COLGALT1: variants seen among roughly 807,000 people sequenced by gnomAD.
The protein encoded by COLGALT1 is collagen beta(1-O)galactosyltransferase 1.
In COLGALT1, 43 loss-of-function variants were observed where a neutral mutation model predicts 60.8. The ratio of observed to expected loss-of-function variants is 0.71; its 90% confidence interval spans 0.55 to 0.91. COLGALT1 has a LOEUF of 0.91. Among genes scored for constraint, COLGALT1 ranks in the 40% least tolerant of loss-of-function variants. COLGALT1 has a pLI of 0.00. For missense variants in COLGALT1, 845 were observed against 880.0 expected (o/e 0.96, Z 0.50); for synonymous variants, 369 against 374.2 (o/e 0.99, Z 0.16).
At chr19:17,576,713 G>T (rs1185464749) in intron 6 of COLGALT1, among the ~76,000 whole-genome samples, 1 of 148,696 alleles carries the variant, frequency 6.7e-6, no homozygotes, top group African/African-American at 2.5e-5. Context: ...GGAGCCTGGG[G>T]CATGGCCAGG....
chr19:17,558,542 G>A (rs1015835782), intron 1 of COLGALT1, among the ~76,000 whole-genome samples: 2 of 151,312 alleles, frequency 1.3e-5, no homozygotes, highest in African/African-American at 4.9e-5. Flanking sequence ...GCTGGGCATG[G>A]TGGTGGGCAC....
At chr19:17,568,737 T>C in intron 5 of COLGALT1, 24 bp downstream of exon 5, 1 of 1,611,606 alleles carries the variant, frequency 6.2e-7, no homozygotes, top group Non-Finnish European at 8.5e-7. Flanking sequence ...GGGTCTGCCA[T>C]CGCAGGGGCA....
At chr19:17,569,152 C>T (rs1159866310) in intron 5 of COLGALT1, among the ~76,000 whole-genome samples, 1 of 151,948 alleles carries the variant, frequency 6.6e-6, no homozygotes, top group Non-Finnish European at 1.5e-5. Flanking sequence ...GCGGAAGTTG[C>T]AGTGAGCCGA....
rs1315994882 is a variant in COLGALT1 at position 17,559,377 on chromosome 19, G to A, written c.327G>A (p.Lys109=). The A allele has an allele frequency of 6.4e-7, 1 of 1,552,226 alleles. No homozygotes were observed. The highest frequency in any genetic ancestry group is 2.0e-5 in the Admixed American group (1 of 51,012). The change falls in exon 2 of 12, where the codon AAG becomes AAA. Residue 109 remains lysine (K), a synonymous_variant. Transcript: ENST00000252599. ...TGCGGGAGTGGCTGGTGGCCGTGAA[G>A]AGTTTGTACCATTCCGTGGAGTGGC... is the stretch of plus-strand genomic sequence containing the variant. ...TVLREWLVAV[K]SLYHSVEWRP... is the part of the protein sequence containing the mutation.
In COLGALT1 at chr19:17,567,849, T is replaced by C. The variant is rs145425405; in HGVS notation, c.624+309T>C. The stretch of plus-strand genomic sequence containing the variant: ...CTGTCCTCCCAGCTGCTCGGGAGGC[T>C]GAAGCATGAGAATCACTTGAACCCA... On this transcript the variant is annotated intron_variant, in intron 4 of 11. Transcript: ENST00000252599. 6.0e-3 allele frequency among the ~76,000 whole-genome samples: 910 copies of C among 151,932 alleles called. 10 individuals are homozygous for C. The highest frequency in any genetic ancestry group is 0.021 in the African/African-American group (866 of 41,454).
intron 3 of COLGALT1, among the ~76,000 whole-genome samples, chr19:17,564,413 C>CTTTT (rs71162155): frequency 1.9e-5 from 2 of 104,188 alleles, no homozygotes; most frequent in East Asian, 2.4e-4. Context: ...AAAACATCTA[C>CTTTT]TTTTTTTTTT....
At chr19:17,572,823 G>C (rs1157856836) in intron 6 of COLGALT1, among the ~76,000 whole-genome samples, 2 of 152,218 alleles carry the variant, frequency 1.3e-5, no homozygotes, top group Non-Finnish European at 2.9e-5. Flanking sequence ...GGGTTGTCGG[G>C]TGGGCTTCCT....
chr19:17,563,180 C>T (rs1447198794), intron 3 of COLGALT1, among the ~76,000 whole-genome samples: 3 of 145,984 alleles, frequency 2.1e-5, no homozygotes, highest in Non-Finnish European at 3.0e-5. Context: ...ATAATATTTT[C>T]GTGTTTCTTT....
In COLGALT1 at chr19:17,578,012, C is replaced by T. The variant is rs764247645; in HGVS notation, c.1189C>T (p.Arg397Trp). Residue 397 changes from arginine to tryptophan, a missense_variant, in exon 9 of 12, where the codon CGG becomes TGG. By Grantham distance (101) the Arg-to-Trp change is moderately radical. Coordinates refer to ENST00000252599, the MANE Select transcript of COLGALT1 (RefSeq NM_024656.4). ...GGGGATCCAGATGCTGCCTGGCTAC[C>T]GGGACCCCTACCACGGCCGGCCCCT... ...ALGIQMLPGY[R>W]DPYHGRPLTK... is the part of the protein sequence containing the mutation. The T allele has an allele frequency of 6.2e-6, 10 of 1,612,744 alleles. No individual in the cohort carries two copies. The highest frequency in any genetic ancestry group is 1.8e-4 in the Middle Eastern group (1 of 5,546).
intron 3 of COLGALT1, among the ~76,000 whole-genome samples, chr19:17,566,386 C>A (rs547122487): frequency 1.4e-4 from 21 of 152,002 alleles, no homozygotes; most frequent in African/African-American, 4.8e-4. Context: ...AAACAAAAAA[C>A]CTTCTGGTAG....
At chr19:17,572,298 T>C (rs2076317412) in intron 5 of COLGALT1, among the ~76,000 whole-genome samples, 185 bp from the exon 6 acceptor site, 1 of 136,666 alleles carries the variant, frequency 7.3e-6, no homozygotes, top group African/African-American at 2.5e-5. Flanking sequence ...AGTGAGACTC[T>C]GTCTTAAAAA....
rs780735696 is a variant in COLGALT1, at chr19:17,578,140, G to C, written c.1266+51G>C. 3.0e-5 allele frequency: 45 copies of C among 1,495,186 alleles called. No homozygotes were observed. In the South Asian group the frequency reaches 4.5e-4, roughly 15 times the overall value. 92.6% of individuals were successfully genotyped at this position (1,495,186 alleles called of 1,614,324 possible). ...CAGAGTTATGACTCTAGATCTCATC[G>C]GAGATTTGGACGGGAAAGGGGTTGA... On this transcript the variant is annotated intron_variant, in intron 9 of 11. Transcript: ENST00000252599.
At chr19:17,580,444 G>C (rs1010294701) in intron 10 of COLGALT1, 5 of 542,288 alleles carry the variant, frequency 9.2e-6, no homozygotes, top group Non-Finnish European at 1.0e-5. Context: ...CTCAGAGAAC[G>C]TCTGCGTGAT....
chr19:17,577,183 T>G lies in COLGALT1; in HGVS notation c.950-12T>G, dbSNP rs1229279182. ...CTTACCCCAGCGACTCCTCAACGTC[T>G]GTGCCCCACAGTGAAGCACCCGCCC... On this transcript the variant is annotated splice_polypyrimidine_tract_variant and intron_variant, in intron 6 of 11. Coordinates refer to ENST00000252599, the MANE Select transcript of COLGALT1 (RefSeq NM_024656.4). The G allele has an allele frequency of 6.2e-7, 1 of 1,612,784 alleles. No homozygotes were observed.
chr19:17,573,001 G>A (rs2076321766), intron 6 of COLGALT1, among the ~76,000 whole-genome samples: 1 of 152,154 alleles, frequency 6.6e-6, no homozygotes. Context: ...AGGGTGGATG[G>A]CCTCAGAGAC....
At chr19:17,570,334 G>A (rs8112295) in intron 5 of COLGALT1, among the ~76,000 whole-genome samples, 14,652 of 151,914 alleles carry the variant, frequency 0.096, 1,074 homozygotes, top group African/African-American at 0.21. Context: ...CAACCTCCTG[G>A]GCTCAAGCAA....
intron 5 of COLGALT1, among the ~76,000 whole-genome samples, chr19:17,569,752 C>T (rs955570760): frequency 1.3e-5 from 2 of 151,592 alleles, no homozygotes; most frequent in African/African-American, 4.8e-5. Flanking sequence ...TCCTAATTTT[C>T]TACAGTTGAG....
At chr19:17,580,520 C>T in intron 10 of COLGALT1, 179 bp from the exon 11 acceptor site, 1 of 630,282 alleles carries the variant, frequency 1.6e-6, no homozygotes, top group Non-Finnish European at 2.8e-6. Flanking sequence ...TCACTCTTCT[C>T]CCCCATGACC....
rs2076383493 is a variant in COLGALT1, at chr19:17,581,620, G to A, written c.*176G>A. On this transcript the variant is annotated 3_prime_UTR_variant, in exon 12 of 12. Transcript: ENST00000252599. ...TGCACACAGGCAGCATTAATGGAGT[G>A]CCTACTGCATGCCAGCAACAGGGCT... The A allele has an allele frequency of 2.4e-6, 2 of 823,470 alleles. No homozygotes were observed. Among genetic ancestry groups the A allele is most frequent in the African/African-American group, 3.4e-5 (2 of 58,000 alleles). 51.0% of individuals were successfully genotyped at this position (823,470 alleles called of 1,614,324 possible). A position where few individuals can be genotyped will look rare whatever the true frequency, so the allele number is the denominator to read the frequency against.
Sources: allele counts gnomAD v4.1 joint callset (sites outside exome capture counted in the v4.1 genomes callset), GRCh38; gene constraint gnomAD v4.1.1; transcripts MANE v1.5; gene names NCBI Gene and HGNC (gene_info 2026-07-23, HGNC 2026-07-21).